Variants in UGT2B7 observed in about 807,000 individuals in gnomAD.
UGT2B7 encodes the protein UDP glucuronosyltransferase family 2 member B7.
Under a neutral mutation model 51.9 loss-of-function variants are expected in UGT2B7, and 51 were observed. That is an observed-to-expected ratio of 0.98 (90% CI 0.78 to 1.24). The LOEUF is 1.24. UGT2B7 is among the 50% of genes most tolerant of loss of function. The pLI, the probability that UGT2B7 is intolerant of heterozygous loss-of-function variation, is 0.00. For missense variants in UGT2B7, 727 were observed against 628.4 expected (o/e 1.16, Z -1.68); for synonymous variants, 225 against 211.6 (o/e 1.06, Z -0.55).
intron 1 of UGT2B7, among the ~76,000 whole-genome samples, chr4:69,076,556 T>C (rs571808551): frequency 1.1e-4 from 16 of 152,364 alleles, no homozygotes; most frequent in Admixed American, 3.9e-4. Flanking sequence ...TTTTTTCATA[T>C]GTTTGTTGGC....
At position 69,055,819 on chromosome 4, in the gene UGT2B7, C is replaced by T. The variant is rs187792933; in HGVS notation, c.-159+4217C>T. Among the ~76,000 whole-genome samples the T allele has an allele frequency of 3.5e-3, 532 of 152,260 alleles. 2 individuals are homozygous for T. The highest frequency in any genetic ancestry group is 0.012 in the African/African-American group (512 of 41,546). On this transcript the variant is annotated intron_variant, in intron 1 of 5. Coordinates refer to the UGT2B7 transcript ENST00000502942. ...TCAATTATTAGACAGTATTGCATATCTAAAGAAAGAAAAGGATTCGCTCAT... is the reference window on the plus strand; with the variant it reads ...TCAATTATTAGACAGTATTGCATATTTAAAGAAAGAAAAGGATTCGCTCAT...
At chr4:69,091,398 GTT>G (rs112636942) in intron 2 of UGT2B7, among the ~76,000 whole-genome samples, 2 of 146,320 alleles carry the variant, frequency 1.4e-5, no homozygotes, top group Admixed American at 6.7e-5. Flanking sequence ...TAAAGATTTT[GTT>G]TTTTTTTTCT....
intron 1 of UGT2B7, among the ~76,000 whole-genome samples, chr4:69,064,108 A>AGAGAGAGAGAGAG (rs1560499796): frequency 3.2e-5 from 3 of 94,344 alleles, no homozygotes; most frequent in East Asian, 4.0e-4. Flanking sequence ...GAAAGAAAGA[A>AGAGAGAGAGAGAG]AGAAAAAGAA....
chr4:69,073,490 G>A (rs1031424234), intron 1 of UGT2B7, among the ~76,000 whole-genome samples: 1 of 152,118 alleles, frequency 6.6e-6, no homozygotes, highest in East Asian at 1.9e-4. Context: ...CATCATGACA[G>A]TGGCTCAGAG....
chr4:69,102,714 G>T (rs2109888673), intron 2 of UGT2B7, 93 bp from the exon 3 acceptor site: 2 of 1,532,200 alleles, frequency 1.3e-6, no homozygotes, highest in Non-Finnish European at 1.8e-6. Context: ...TCAAAATACT[G>T]GATTTTCTCT....
At position 69,112,506 on chromosome 4, in the gene UGT2B7, G is replaced by A. The variant is rs1719804323; in HGVS notation, c.1360G>A (p.Val454Met). The change falls in exon 6 of 6, where the codon GTG becomes ATG. Residue 454 changes from valine (V) to methionine (M), a missense_variant. Transcript: ENST00000305231. ...KLSRIQHDQP[V>M]KPLDRAVFWI... ...ATCAAGAATTCAACATGATCAACCA[G>A]TGAAGCCCCTGGATCGAGCAGTCTT... The A allele has an allele frequency of 3.7e-6, 6 of 1,613,920 alleles. No individual in the cohort carries two copies. The highest frequency in any genetic ancestry group is 1.7e-4 in the Middle Eastern group (1 of 6,056).
chr4:69,065,553 G>T (rs552723027), intron 1 of UGT2B7, among the ~76,000 whole-genome samples: 2 of 152,148 alleles, frequency 1.3e-5, no homozygotes, highest in East Asian at 1.9e-4. Context: ...TAATATTCTC[G>T]ATATATGTGA....
intron 1 of UGT2B7, among the ~76,000 whole-genome samples, chr4:69,082,952 A>G (rs1718870817): frequency 6.6e-6 from 1 of 152,120 alleles, no homozygotes; most frequent in South Asian, 2.1e-4. Flanking sequence ...AGTTTAGTTG[A>G]AGCCAATGTT....
intron 1 of UGT2B7, among the ~76,000 whole-genome samples, chr4:69,088,137 T>C (rs1220244004): frequency 6.6e-6 from 1 of 152,052 alleles, no homozygotes; most frequent in African/African-American, 2.4e-5. Context: ...TTTCTCTTTT[T>C]TTGCTCTTCT....
intron 1 of UGT2B7, among the ~76,000 whole-genome samples, chr4:69,055,684 C>A (rs1046275604): frequency 6.6e-6 from 1 of 152,186 alleles, no homozygotes; most frequent in Non-Finnish European, 1.5e-5. Context: ...AAAACCGTAA[C>A]AGGAGATCAA....
chr4:69,089,848 T>G (rs532950335), intron 2 of UGT2B7, among the ~76,000 whole-genome samples: 21 of 152,212 alleles, frequency 1.4e-4, no homozygotes, highest in Non-Finnish European at 2.4e-4. Flanking sequence ...AAATAAAATA[T>G]TAAGTTCCTA....
intron 1 of UGT2B7, among the ~76,000 whole-genome samples, chr4:69,066,200 T>C (rs1400018087): frequency 1.3e-5 from 2 of 152,198 alleles, no homozygotes; most frequent in Admixed American, 1.3e-4. Context: ...CAGGCGTACA[T>C]GTTCCGGTTT....
chr4:69,098,070 C>T (rs28375964), intron 1 of UGT2B7, among the ~76,000 whole-genome samples: 94,970 of 151,752 alleles, frequency 0.63, 31,192 homozygotes, highest in African/African-American at 0.81. Flanking sequence ...ACATAGTCCA[C>T]AGTTCACTTG....
intron 1 of UGT2B7, among the ~76,000 whole-genome samples, chr4:69,074,886 T>G (rs1211471673): frequency 6.6e-6 from 1 of 152,152 alleles, no homozygotes; most frequent in African/African-American, 2.4e-5. Context: ...TTTGACATCA[T>G]TTTTTAATGC....
chr4:69,088,326 C>T (rs191417295), intron 1 of UGT2B7, among the ~76,000 whole-genome samples: 1 of 134,894 alleles, frequency 7.4e-6, no homozygotes, highest in Non-Finnish European at 1.5e-5. Context: ...TCATCATTTT[C>T]CTGGATTATT....
chr4:69,091,389 A>T (rs985648289), intron 2 of UGT2B7, among the ~76,000 whole-genome samples: 2 of 147,530 alleles, frequency 1.4e-5, no homozygotes, highest in Non-Finnish European at 3.0e-5. Flanking sequence ...TAGAAACTTT[A>T]AAGATTTTGT....
intron 2 of UGT2B7, among the ~76,000 whole-genome samples, chr4:69,102,458 A>G (rs200029188): frequency 6.6e-6 from 1 of 152,276 alleles, no homozygotes; most frequent in East Asian, 1.9e-4. Context: ...CCAAGAACCT[A>G]TATTAGTAAC....
At chr4:69,091,442 T>C (rs918783073) in intron 2 of UGT2B7, among the ~76,000 whole-genome samples, 4 of 152,182 alleles carry the variant, frequency 2.6e-5, no homozygotes, top group African/African-American at 9.7e-5. Context: ...TACAGTTATA[T>C]TTCATGTATT....
chr4:69,076,182 A>G (rs750913634), intron 1 of UGT2B7, among the ~76,000 whole-genome samples: 2 of 152,184 alleles, frequency 1.3e-5, no homozygotes, highest in Non-Finnish European at 2.9e-5. Flanking sequence ...TCTATCACTG[A>G]TGGACATTTG....
Sources: allele counts gnomAD v4.1 joint callset (sites outside exome capture counted in the v4.1 genomes callset), GRCh38; gene constraint gnomAD v4.1.1; transcripts MANE v1.5; gene names NCBI Gene and HGNC (gene_info 2026-07-23, HGNC 2026-07-21).